Variants in PSG7 observed in about 807,000 individuals in gnomAD.
The protein encoded by PSG7 is pregnancy specific beta-1-glycoprotein 7, also known as pregnancy-specific beta-1-glycoprotein 7.
In PSG7, 57 loss-of-function variants were observed where a neutral mutation model predicts 45.6. That is an observed-to-expected ratio of 1.25 (90% CI 1.01 to 1.56). PSG7 has a LOEUF of 1.56. Ranked by LOEUF, PSG7 falls within the 40% of genes most tolerant of loss-of-function variation. The probability of loss-of-function intolerance (pLI) is 0.00; values close to 1 mark genes in which losing one functional copy is unlikely to be tolerated. For synonymous variants in PSG7, 298 were observed against 194.4 expected (o/e 1.53, Z -4.43); for missense variants, 796 against 508.4 (o/e 1.57, Z -5.44).
rs1240525101 is a variant in PSG7, at chr19:42,933,286, TATATATATATATATATA to T, written c.430+2101_430+2117del. Among the ~76,000 whole-genome samples, 18 of 10,352 alleles carry T rather than the reference TATATATATATATATATA, an allele frequency of 1.7e-3. 2 individuals carry two copies. The highest frequency in any genetic ancestry group is 8.3e-3 in the East Asian group (2 of 242). The allele number at this position is 10,352 out of a possible 152,430, so 6.8% of individuals were successfully genotyped here. On this transcript the variant is annotated intron_variant, in intron 2 of 5. Coordinates refer to ENST00000406070, the MANE Select transcript of PSG7 (RefSeq NM_002783.3). The stretch of plus-strand genomic sequence containing the variant: ...ATTTCAATATATATATATATATATA[TATATATATATATATATA>T]TATATTTTTTTTTTTTTTTGGTGTA...
chr19:42,926,734 A>T lies in PSG7; in HGVS notation c.710-18T>A, dbSNP rs774711428. 8.0e-5 allele frequency: 129 copies of T among 1,609,240 alleles called. 1 individual carries two copies. Among genetic ancestry groups the T allele is most frequent in the Non-Finnish European group, 1.1e-4 (128 of 1,178,114 alleles). ...CAGCTTCGCTGTGTGAATAACAGAG[A>T]GAAGATTGTCCTGTGTGGCACCTTT... On this transcript the variant is annotated intron_variant, in intron 3 of 5. Transcript: ENST00000406070.
chr19:42,930,699 A>C (rs1475299512), intron 2 of PSG7, among the ~76,000 whole-genome samples: 2 of 151,490 alleles, frequency 1.3e-5, no homozygotes, highest in African/African-American at 4.9e-5. Flanking sequence ...TGACTACTCT[A>C]TGTACCTCAT....
Position 42,936,906 on chromosome 19 carries a change from C to G in PSG7, c.64+107G>C, listed in dbSNP as rs1676593519. ...TCTTGATCCACCCACCTCAGCCTCCCAAAGTGCTGGCTTCTTTTATTTTTT... is the reference window on the plus strand; with the variant it reads ...TCTTGATCCACCCACCTCAGCCTCCGAAAGTGCTGGCTTCTTTTATTTTTT... On this transcript the variant is annotated intron_variant, in intron 1 of 5. Transcript: ENST00000406070. 4 of 1,511,830 alleles carry G rather than the reference C, an allele frequency of 2.6e-6. 1 individual carries two copies. 93.7% of individuals were successfully genotyped at this position (1,511,830 alleles called of 1,614,324 possible). A position where few individuals can be genotyped will look rare whatever the true frequency, so the allele number is the denominator to read the frequency against.
chr19:42,935,897 CACACACACACACACACAA>C (rs1973142158), intron 1 of PSG7, 128 bp from the exon 2 acceptor site: 13 of 1,249,268 alleles, frequency 1.0e-5, no homozygotes, highest in African/African-American at 1.7e-5. Flanking sequence ...CACACACACA[CACACACACACACACACAA>C]ACACACACAC....
chr19:42,926,395 G>A, intron 4 of PSG7, 43 bp downstream of exon 4: 1 of 1,606,594 alleles, frequency 6.2e-7, no homozygotes, highest in Non-Finnish European at 8.5e-7. Context: ...TTAAGCTGGT[G>A]TCCTGGCCCA....
At chr19:42,936,344 AG>A (rs1192971645) in intron 1 of PSG7, 1 of 159,326 alleles carries the variant, frequency 6.3e-6, no homozygotes, top group Non-Finnish European at 1.4e-5. Context: ...TAGATGTGAG[AG>A]TTCTCAGGGG....
chr19:42,934,028 T>C (rs73553550), intron 2 of PSG7, among the ~76,000 whole-genome samples: 24,088 of 151,236 alleles, frequency 0.16, 2,473 homozygotes, highest in African/African-American at 0.2. Flanking sequence ...TCAATTCCTT[T>C]ATTTGTTATG....
rs759069168 is a variant in PSG7, at chr19:42,927,816, TG to T, written c.710-1101del. Reference sequence around the variant, plus strand: ...GGTGGGCAGTTTCTTTTATGCAAGATGGGGAGTTTCTAGAGATCTGCTGTAG... The same window carrying T: ...GGTGGGCAGTTTCTTTTATGCAAGATGGGAGTTTCTAGAGATCTGCTGTAG... On this transcript the variant is annotated intron_variant, in intron 3 of 5. Transcript: ENST00000406070. Among the ~76,000 whole-genome samples, 103 of 151,536 alleles carry T rather than the reference TG, an allele frequency of 6.8e-4. 3 individuals carry two copies. The highest frequency in any genetic ancestry group is 1.2e-3 in the Non-Finnish European group (82 of 67,904).
Position 42,926,616 on chromosome 19 carries a change from G to A in PSG7, c.810C>T (p.Thr270=). ...FTCEPKSENY[T]YIWWLNGQSL... is the part of the protein sequence containing the mutation. ...TCTGACCATTTAGCCACCAAATGTA[G>A]GTGTAGTTCTCACTCTTAGGTTCAC... Residue 270 remains threonine (T), a synonymous_variant, in exon 4 of 6, where the codon ACC becomes ACT. Coordinates refer to ENST00000406070, the MANE Select transcript of PSG7 (RefSeq NM_002783.3). 1.2e-6 allele frequency: 2 copies of A among 1,610,242 alleles called. No individual in the cohort carries two copies. The highest frequency in any genetic ancestry group is 1.7e-6 in the Non-Finnish European group (2 of 1,179,018).
At chr19:42,934,871 G>A (rs1973110726) in intron 2 of PSG7, among the ~76,000 whole-genome samples, 1 of 151,816 alleles carries the variant, frequency 6.6e-6, no homozygotes, top group East Asian at 1.9e-4. Context: ...CTGAGCCCTG[G>A]CTGGTGAACA....
At chr19:42,936,708 T>C (rs10410760) in intron 1 of PSG7, among the ~76,000 whole-genome samples, 57,307 of 150,756 alleles carry the variant, frequency 0.38, 12,606 homozygotes, top group African/African-American at 0.55. Flanking sequence ...CATGCAGTGG[T>C]GCTATCTCGG....
In PSG7 at chr19:42,925,999, A is replaced by T. The variant is rs757807168; in HGVS notation, c.1017T>A (p.Pro339=). The stretch of plus-strand genomic sequence containing the variant: ...GTCCTGAATGGTAATAGGTGAATGA[A>T]GGGTAAATTCTGGGGAGGTCTGGAC... ...LYGPDLPRIY[P]SFTYYHSGQN... The change falls in exon 5 of 6, where the codon CCT becomes CCA. Residue 339 remains proline, a synonymous_variant. Transcript: ENST00000406070. 2 of 1,612,084 alleles carry T rather than the reference A, an allele frequency of 1.2e-6. No homozygotes were observed. Among genetic ancestry groups the T allele is most frequent in the Non-Finnish European group, 1.7e-6 (2 of 1,179,070 alleles).
chr19:42,932,234 A>T (rs1347834561), intron 2 of PSG7, among the ~76,000 whole-genome samples: 2 of 151,378 alleles, frequency 1.3e-5, no homozygotes, highest in Non-Finnish European at 2.9e-5. Context: ...CATGTTAGCC[A>T]GGATGGTCTG....
intron 2 of PSG7, among the ~76,000 whole-genome samples, chr19:42,933,061 C>G (rs1973054062): frequency 6.7e-6 from 1 of 149,420 alleles, no homozygotes; most frequent in Non-Finnish European, 1.5e-5. Flanking sequence ...CAAGCACTAA[C>G]AGATCATTTC....
At chr19:42,931,124 T>C (rs540445534) in intron 2 of PSG7, among the ~76,000 whole-genome samples, 23 of 151,766 alleles carry the variant, frequency 1.5e-4, no homozygotes, top group African/African-American at 5.1e-4. Context: ...CATAAAATGT[T>C]GTCAGGAGTT....
chr19:42,931,347 T>G (rs1973015099), intron 2 of PSG7, among the ~76,000 whole-genome samples: 5 of 145,636 alleles, frequency 3.4e-5, no homozygotes, highest in Non-Finnish European at 6.1e-5. Context: ...CAAAGGTGAT[T>G]TGAATTAGCA....
intron 2 of PSG7, among the ~76,000 whole-genome samples, chr19:42,933,043 G>C (rs1382599736): frequency 6.7e-6 from 1 of 149,544 alleles, no homozygotes; most frequent in Non-Finnish European, 1.5e-5. Context: ...CCTACCTAGA[G>C]GCAGATTCAA....
chr19:42,926,168 G>A lies in PSG7; in HGVS notation c.989-141C>T, dbSNP rs1169383814. The A allele has an allele frequency of 1.5e-5, 21 of 1,445,148 alleles. No individual in the cohort carries two copies. The South Asian group carries it at 1.5e-4, about 11-fold the overall frequency. The allele number at this position is 1,445,148 out of a possible 1,614,324, so 89.5% of individuals were successfully genotyped here. On this transcript the variant is annotated intron_variant, in intron 4 of 5. Coordinates refer to ENST00000406070, the MANE Select transcript of PSG7 (RefSeq NM_002783.3). ...AAATCCCCTCTATGTTCACTGAGCC[G>A]AAGCCTGAGGTATTCACCTGTTTCT...
At chr19:42,933,289 ATATATATATATATATATATTTTTTT>A (rs1235776192) in intron 2 of PSG7, among the ~76,000 whole-genome samples, 2 of 8,916 alleles carry the variant, frequency 2.2e-4, no homozygotes, top group Non-Finnish European at 2.5e-4. Flanking sequence ...ATATATATAT[ATATATATATATATATATATTTTTTT>A]TTTTTTTTGG....
Sources: allele counts gnomAD v4.1 joint callset (sites outside exome capture counted in the v4.1 genomes callset), GRCh38; gene constraint gnomAD v4.1.1; transcripts MANE v1.5; gene names NCBI Gene and HGNC (gene_info 2026-07-23, HGNC 2026-07-21).